RUNDC3B: variants seen among roughly 807,000 people sequenced by gnomAD.
RUNDC3B encodes the protein RUN domain-containing protein 3B.
RUNDC3B carries 33 observed loss-of-function variants against 58.4 expected under a neutral mutation model. The observed-to-expected ratio is 0.56, with a 90% confidence interval of 0.43 to 0.75. RUNDC3B has a LOEUF of 0.75. Ranked by LOEUF, RUNDC3B falls within the 30% of genes least tolerant of loss-of-function variation. RUNDC3B has a pLI of 0.00. For synonymous variants in RUNDC3B, 193 were observed against 195.2 expected (o/e 0.99, Z 0.10); for missense variants, 501 against 535.7 (o/e 0.94, Z 0.64).
chr7:87,710,439 C>A, intron 3 of RUNDC3B, 131 bp from the exon 4 acceptor site: 2 of 597,124 alleles, frequency 3.3e-6, no homozygotes, highest in South Asian at 2.2e-5. Flanking sequence ...TCTACTTAAA[C>A]ATTTTTCTTA....
chr7:87,828,503 TTAAGA>T (rs1335742313), intron 10 of RUNDC3B, among the ~76,000 whole-genome samples: 1 of 152,206 alleles, frequency 6.6e-6, no homozygotes. Context: ...GTTAATTCAC[TTAAGA>T]TAATGGCCTC....
At chr7:87,784,866 G>T (rs1259006115) in intron 8 of RUNDC3B, among the ~76,000 whole-genome samples, 1 of 152,016 alleles carries the variant, frequency 6.6e-6, no homozygotes, top group Non-Finnish European at 1.5e-5. Flanking sequence ...GCCCTAAGGG[G>T]GACTCTGGTT....
intron 2 of RUNDC3B, among the ~76,000 whole-genome samples, chr7:87,689,016 G>A (rs907615506): frequency 1.3e-5 from 2 of 151,872 alleles, no homozygotes; most frequent in Non-Finnish European, 2.9e-5. Flanking sequence ...GTACACTGGG[G>A]AATTTTTCAG....
At position 87,628,775 on chromosome 7, in the gene RUNDC3B, G is replaced by A; in HGVS notation, c.-49G>A. 1 of 1,129,914 alleles carries A rather than the reference G, an allele frequency of 8.9e-7. No individual in the cohort carries two copies. Among genetic ancestry groups the A allele is most frequent in the Non-Finnish European group, 1.1e-6 (1 of 881,908 alleles). 70.0% of individuals were successfully genotyped at this position (1,129,914 alleles called of 1,614,324 possible). On this transcript the variant is annotated 5_prime_UTR_variant, in exon 1 of 11. Transcript: ENST00000394654. ...GAGAACCCCCTTAAGCAGGTGTGGG[G>A]GGCGTGCGGGGTGGCACGAGACAAA...
At chr7:87,661,624 C>G (rs534395721) in intron 2 of RUNDC3B, among the ~76,000 whole-genome samples, 11 of 151,884 alleles carry the variant, frequency 7.2e-5, no homozygotes, top group African/African-American at 2.7e-4. Flanking sequence ...CTGAATAGTA[C>G]TCCCTTGTGT....
At chr7:87,822,181 A>C (rs1185444564) in intron 10 of RUNDC3B, among the ~76,000 whole-genome samples, 1 of 152,242 alleles carries the variant, frequency 6.6e-6, no homozygotes, top group Non-Finnish European at 1.5e-5. Flanking sequence ...CAATGAACTC[A>C]AACAAATTTA....
intron 10 of RUNDC3B, among the ~76,000 whole-genome samples, chr7:87,824,989 A>G (rs1837718482): frequency 1.3e-5 from 2 of 152,086 alleles, no homozygotes; most frequent in African/African-American, 4.8e-5. Flanking sequence ...AGTTCAGAAA[A>G]TTTGCAGCCT....
At chr7:87,642,518 T>C (rs1822556998) in intron 1 of RUNDC3B, among the ~76,000 whole-genome samples, 1 of 152,134 alleles carries the variant, frequency 6.6e-6, no homozygotes, top group Non-Finnish European at 1.5e-5. Context: ...GGGAGTTCTT[T>C]CATATGAGAT....
chr7:87,673,929 A>T (rs1230053705), intron 2 of RUNDC3B, among the ~76,000 whole-genome samples: 1 of 152,236 alleles, frequency 6.6e-6, no homozygotes, highest in South Asian at 2.1e-4. Flanking sequence ...TTGTGATATA[A>T]GGTAGGTTCA....
At chr7:87,822,190 T>A (rs1837497367) in intron 10 of RUNDC3B, among the ~76,000 whole-genome samples, 1 of 151,764 alleles carries the variant, frequency 6.6e-6, no homozygotes, top group South Asian at 2.1e-4. Flanking sequence ...CAAACAAATT[T>A]ACAAGAAAAA....
chr7:87,828,289 C>A (rs767423931), intron 10 of RUNDC3B, among the ~76,000 whole-genome samples: 44 of 151,960 alleles, frequency 2.9e-4, no homozygotes, highest in Non-Finnish European at 5.6e-4. Context: ...TTGTGTGATG[C>A]TGAGGTTTAG....
At chr7:87,802,849 G>A (rs1419337087) in intron 8 of RUNDC3B, among the ~76,000 whole-genome samples, 3 of 152,090 alleles carry the variant, frequency 2.0e-5, no homozygotes, top group African/African-American at 7.2e-5. Flanking sequence ...AGCAAAGAGT[G>A]ATGGTGCACA....
chr7:87,746,433 G>C (rs757884880), intron 6 of RUNDC3B, among the ~76,000 whole-genome samples: 1 of 152,132 alleles, frequency 6.6e-6, no homozygotes. Flanking sequence ...AACTATTATT[G>C]TGTTGCTGTC....
chr7:87,631,453 C>T (rs529907362), intron 1 of RUNDC3B, among the ~76,000 whole-genome samples: 104 of 152,246 alleles, frequency 6.8e-4, no homozygotes, highest in Non-Finnish European at 1.0e-3. Flanking sequence ...AGCAGTGGCG[C>T]GATCTCGGCT....
At chr7:87,668,365 G>A (rs1825480949) in intron 2 of RUNDC3B, among the ~76,000 whole-genome samples, 3 of 151,720 alleles carry the variant, frequency 2.0e-5, no homozygotes, top group African/African-American at 7.3e-5. Context: ...TGTTTATTTG[G>A]AGCTTTTCTT....
At chr7:87,676,316 CAT>C (rs776175364) in intron 2 of RUNDC3B, among the ~76,000 whole-genome samples, 3 of 152,144 alleles carry the variant, frequency 2.0e-5, no homozygotes, top group South Asian at 2.1e-4. Context: ...TGAGAGATAA[CAT>C]GTGTAAACCA....
intron 6 of RUNDC3B, among the ~76,000 whole-genome samples, chr7:87,758,335 AAAAC>A (rs986004566): frequency 8.5e-5 from 13 of 152,130 alleles, no homozygotes; most frequent in Non-Finnish European, 1.3e-4. Context: ...AAAACAAAAG[AAAAC>A]AAACAAACAA....
chr7:87,677,262 T>A, intron 2 of RUNDC3B, among the ~76,000 whole-genome samples: 1 of 136,332 alleles, frequency 7.3e-6, no homozygotes, highest in Non-Finnish European at 1.5e-5. Flanking sequence ...ATTAATAAAC[T>A]ACAGTGTATA....
At chr7:87,652,307 C>T (rs1465163054) in intron 2 of RUNDC3B, among the ~76,000 whole-genome samples, 1 of 152,000 alleles carries the variant, frequency 6.6e-6, no homozygotes, top group Non-Finnish European at 1.5e-5. Flanking sequence ...TTGAGACTCC[C>T]ATGCCAAGTG....
Sources: gnomAD v4.1 joint callset for allele counts (sites outside exome capture counted in the v4.1 genomes callset) on GRCh38, gnomAD v4.1.1 for gene constraint, MANE v1.5 for transcripts, NCBI Gene and HGNC (gene_info 2026-07-23, HGNC 2026-07-21) for gene names.